The following ANKZF1 variants were observed in gnomAD, a reference collection of about 807,000 sequenced individuals.
ANKZF1 encodes the protein tRNA endonuclease ANKZF1.
ANKZF1 carries 84 observed loss-of-function variants against 86.0 expected under a neutral mutation model. The observed-to-expected ratio is 0.98, with a 90% confidence interval of 0.82 to 1.17. The LOEUF (loss-of-function observed/expected upper bound fraction) is 1.17, where lower values mean the gene tolerates loss of function less well. Ranked by LOEUF, ANKZF1 falls within the 50% of genes most tolerant of loss-of-function variation. ANKZF1 has a pLI of 0.00. For synonymous variants in ANKZF1, 331 were observed against 354.2 expected (o/e 0.93, Z 0.74); for missense variants, 893 against 918.4 (o/e 0.97, Z 0.36).
chr2:219,236,244 CAGG>C (rs1951226735), intron 13 of ANKZF1, 75 bp from the exon 14 acceptor site: 14 of 1,607,994 alleles, frequency 8.7e-6, no homozygotes, highest in Middle Eastern at 1.6e-4. Context: ...ACAGAAATGG[CAGG>C]AGGAGGGACG....
At chr2:219,234,013 T>C (rs1474671443) in intron 8 of ANKZF1, 70 bp downstream of exon 8, 8 of 1,527,566 alleles carry the variant, frequency 5.2e-6, no homozygotes, top group Admixed American at 2.2e-5. Flanking sequence ...TCCATTCTCA[T>C]TGGTATATCC....
rs1951122577 is a variant in ANKZF1 at position 219,233,862 on chromosome 2, G to C, written c.967G>C (p.Asp323His). 6.2e-7 allele frequency: 1 copy of C among 1,612,782 alleles called. No homozygotes were observed. The highest frequency in any genetic ancestry group is 1.7e-5 in the Admixed American group (1 of 59,688). Residue 323 changes from aspartate (D) to histidine (H), a missense_variant, in exon 8 of 14, where the codon GAT becomes CAT. Transcript: ENST00000323348. ...GCAAAGGGGGGATCCCCGACTTTGG[G>C]ATATCCCCCTCGCCACCCGCAGACC... ...PLQRGDPRLW[D>H]IPLATRRPTF...
chr2:219,233,409 C>T lies in ANKZF1; in HGVS notation c.795C>T (p.Arg265=), dbSNP rs767664339. 4.3e-6 allele frequency: 7 copies of T among 1,613,526 alleles called. No individual in the cohort carries two copies. In the East Asian group the frequency reaches 1.6e-4, roughly 36 times the overall value. ...PSHSAGANLR[R]YNEATLYKDV... ...ACTCTGCTGGAGCCAACCTGAGGCG[C>T]TACAATGAAGCCACACTATATAAGG... The change falls in exon 7 of 14, where the codon CGC becomes CGT. Residue 265 remains arginine, a synonymous_variant. Transcript: ENST00000323348.
rs1354644898 is a variant in ANKZF1 at position 219,236,407 on chromosome 2, C to T, written c.2143C>T (p.Gln715Ter). The change falls in exon 14 of 14, where the codon CAG becomes TAG. Residue 715 changes from glutamine (Q) to a stop codon, truncating the protein, a stop_gained. Transcript: ENST00000323348. LOFTEE classifies it high-confidence loss of function. ...DFSFCSTRCL[Q>*]DHRRQAGRPS... ...CTCTTTCTGCTCCACACGTTGCCTC[C>T]AGGATCATCGCCGTCAGGCAGGGAG... 2 of 1,612,678 alleles carry T rather than the reference C, an allele frequency of 1.2e-6. No homozygotes were observed. The highest frequency in any genetic ancestry group is 2.2e-5 in the East Asian group (1 of 44,868).
intron 5 of ANKZF1, 142 bp downstream of exon 5, chr2:219,232,825 T>C: frequency 1.0e-6 from 1 of 994,560 alleles, no homozygotes; most frequent in Non-Finnish European, 1.5e-6. Context: ...AGTCTTGAAT[T>C]GAAACTGGCC....
chr2:219,236,119 T>G (rs749918021), intron 13 of ANKZF1, 24 bp downstream of exon 13: 1 of 1,612,894 alleles, frequency 6.2e-7, no homozygotes, highest in Non-Finnish European at 8.5e-7. Context: ...GATGAGGGAG[T>G]GGGTGGACTG....
intron 7 of ANKZF1, 116 bp downstream of exon 7, chr2:219,233,549 GT>G: frequency 7.1e-7 from 1 of 1,411,640 alleles, no homozygotes; most frequent in Admixed American, 2.7e-5. Context: ...TTCATTATAG[GT>G]AGACAAAGGT....
rs375323924 is a variant in ANKZF1, at chr2:219,233,423, C to T, written c.809C>T (p.Thr270Ile). ...AACCTGAGGCGCTACAATGAAGCCA[C>T]ACTATATAAGGTGAGTTAAGCCTTT... The part of the protein sequence containing the change: ...GANLRRYNEA[T>I]LYKDVRDLLA... Residue 270 changes from threonine (T) to isoleucine (I), a missense_variant, in exon 7 of 14, where the codon ACA (threonine) becomes ATA (isoleucine). Thr to Ile is a moderately conservative substitution (Grantham distance 89). Coordinates refer to ENST00000323348, the MANE Select transcript of ANKZF1 (RefSeq NM_018089.3). 7.4e-6 allele frequency: 12 copies of T among 1,612,146 alleles called. No homozygotes were observed. Among genetic ancestry groups the T allele is most frequent in the Admixed American group, 1.7e-5 (1 of 59,790 alleles).
In ANKZF1 at chr2:219,235,805, G is replaced by A. The variant is rs759734685; in HGVS notation, c.1901G>A (p.Arg634Lys). 2.5e-6 allele frequency: 4 copies of A among 1,614,246 alleles called. No homozygotes were observed. In the Admixed American group the frequency reaches 6.7e-5, roughly 27 times the overall value. Reference sequence around the variant, plus strand: ...CGGCAACGGGAGGAACAGCAGCAGAGGCAGCAGGAGCAGGAGGAGCGTGAA... The same window carrying A: ...CGGCAACGGGAGGAACAGCAGCAGAAGCAGCAGGAGCAGGAGGAGCGTGAA... ...ARRQREEQQQ[R>K]QQEQEERERE... Residue 634 changes from arginine (R) to lysine (K), a missense_variant, in exon 12 of 14, where the codon AGG becomes AAG. By Grantham distance (26) the Arg-to-Lys change is conservative (BLOSUM62 2). Transcript: ENST00000323348.
intron 12 of ANKZF1, 66 bp from the exon 13 acceptor site, chr2:219,235,944 C>G: frequency 6.2e-7 from 1 of 1,613,850 alleles, no homozygotes; most frequent in African/African-American, 1.3e-5. Context: ...CAGCGTGCAG[C>G]TGTCACCTCT....
chr2:219,235,420 T>A, intron 10 of ANKZF1, 54 bp from the exon 11 acceptor site: 6 of 1,607,540 alleles, frequency 3.7e-6, no homozygotes, highest in South Asian at 1.1e-5. Context: ...GGTTGGGTGA[T>A]GTTGGGAAAG....
In ANKZF1 at chr2:219,235,098, G is replaced by T; in HGVS notation, c.1477G>T (p.Glu493Ter). The change falls in exon 10 of 14, where the codon GAG becomes TAG. Residue 493 changes from glutamate (E) to a stop codon, truncating the protein, a stop_gained. Coordinates refer to ENST00000323348, the MANE Select transcript of ANKZF1 (RefSeq NM_018089.3). LOFTEE classifies it high-confidence loss of function. ...LDEAKAPGQP[E>*]LWNALLAACR... is the part of the protein sequence containing the mutation. ...TGAGGCCAAAGCCCCTGGTCAGCCAGAGCTCTGGAATGCACTGCTTGCTGC... is the reference window on the plus strand; with the variant it reads ...TGAGGCCAAAGCCCCTGGTCAGCCATAGCTCTGGAATGCACTGCTTGCTGC... 6.2e-7 allele frequency: 1 copy of T among 1,614,270 alleles called. No homozygotes were observed. Among genetic ancestry groups the T allele is most frequent in the Admixed American group, 1.7e-5 (1 of 60,034 alleles).
intron 5 of ANKZF1, 195 bp from the exon 6 acceptor site, chr2:219,232,884 C>A: frequency 1.2e-6 from 1 of 820,816 alleles, no homozygotes; most frequent in Non-Finnish European, 1.9e-6. Context: ...GGAAACAAAC[C>A]AATTTAGGTT....
chr2:219,236,397 A>G lies in ANKZF1; in HGVS notation c.2133A>G (p.Thr711=). 6.2e-7 allele frequency: 1 copy of G among 1,613,770 alleles called. No individual in the cohort carries two copies. Among genetic ancestry groups the G allele is most frequent in the African/African-American group, 1.3e-5 (1 of 75,044 alleles). Residue 711 remains threonine, a synonymous_variant, in exon 14 of 14, where the codon ACA becomes ACG. Transcript: ENST00000323348. ...FHYLDFSFCS[T]RCLQDHRRQA... ...ACCTCGACTTCTCTTTCTGCTCCAC[A>G]CGTTGCCTCCAGGATCATCGCCGTC...
At position 219,234,110 on chromosome 2, in the gene ANKZF1, A is replaced by G. The variant is rs773167441; in HGVS notation, c.1049-23A>G. Reference sequence around the variant, plus strand: ...TAGCTTCTCCTCAGCTAAGGTTGAGAAAGATCTTTTCTTTTATGGCAGAAG... The same window carrying G: ...TAGCTTCTCCTCAGCTAAGGTTGAGGAAGATCTTTTCTTTTATGGCAGAAG... On this transcript the variant is annotated intron_variant, in intron 8 of 13. Coordinates refer to ENST00000323348, the MANE Select transcript of ANKZF1 (RefSeq NM_018089.3). 1.9e-6 allele frequency: 3 copies of G among 1,602,788 alleles called. No homozygotes were observed. In the East Asian group the frequency reaches 6.7e-5, roughly 36 times the overall value.
In ANKZF1 at chr2:219,232,373, G is replaced by A; in HGVS notation, c.364+11G>A. On this transcript the variant is annotated intron_variant, in intron 4 of 13. Coordinates refer to ENST00000323348, the MANE Select transcript of ANKZF1 (RefSeq NM_018089.3). ...AGCAGAGCTCCACAGGTGATGAGTG[G>A]TAGGGGGACCTATGTAGGAGTAGGA... 2.5e-6 allele frequency: 4 copies of A among 1,613,834 alleles called. No individual in the cohort carries two copies. The highest frequency in any genetic ancestry group is 3.4e-6 in the Non-Finnish European group (4 of 1,179,688).
At chr2:219,232,780 T>G in intron 5 of ANKZF1, 97 bp downstream of exon 5, 1 of 1,326,868 alleles carries the variant, frequency 7.5e-7, no homozygotes, top group African/African-American at 1.5e-5. Context: ...CTTCTCTTCC[T>G]TCCTGTTGGT....
rs1248320559 is a variant in ANKZF1 at position 219,230,543 on chromosome 2, T to C, written c.148+138T>C. 27 of 1,208,244 alleles carry C rather than the reference T, an allele frequency of 2.2e-5. No homozygotes were observed. The East Asian group carries it at 6.8e-4, about 30-fold the overall frequency. The allele number at this position is 1,208,244 out of a possible 1,614,324, so 74.8% of individuals were successfully genotyped here. A position where few individuals can be genotyped will look rare whatever the true frequency, so the allele number is the denominator to read the frequency against. ...TTTCTGCTTGATTAAATTCACTTAA[T>C]CTCTGGGTAATGTCCAGCACAGCCC... On this transcript the variant is annotated intron_variant, in intron 2 of 13. Coordinates refer to ENST00000323348, the MANE Select transcript of ANKZF1 (RefSeq NM_018089.3).
At chr2:219,231,066 A>T (rs896081555) in intron 2 of ANKZF1, 1 of 152,278 alleles carries the variant, frequency 6.6e-6, no homozygotes, top group Non-Finnish European at 1.5e-5. Flanking sequence ...GTTTGGCTAC[A>T]TCTTTTCTTG....
Sources: gnomAD v4.1 joint callset for allele counts on GRCh38, gnomAD v4.1.1 for gene constraint, MANE v1.5 for transcripts, NCBI Gene and HGNC (gene_info 2026-07-23, HGNC 2026-07-21) for gene names.